C2CD2L: variants seen among roughly 807,000 people sequenced by gnomAD.
C2CD2L encodes C2CD2 like.
A neutral mutation model predicts 69.9 loss-of-function variants in C2CD2L; 24 were observed. The ratio of observed to expected loss-of-function variants is 0.34; its 90% CI spans 0.25 to 0.48. The LOEUF is 0.48. Among genes scored for constraint, C2CD2L ranks in the 20% least tolerant of loss-of-function variants. The pLI, the probability that C2CD2L is intolerant of heterozygous loss-of-function variation, is 0.99. For synonymous variants in C2CD2L, 367 were observed against 391.0 expected (o/e 0.94, Z 0.72); for missense variants, 811 against 941.5 (o/e 0.86, Z 1.81).
rs1946819378 is a variant in C2CD2L at position 119,113,960 on chromosome 11, G to A, written c.1595G>A (p.Ser532Asn). ...RVAKKTPTKR[S>N]TLIISGVSKV... is the part of the protein sequence containing the mutation. ...GCCAAGAAGACACCCACCAAGCGCA[G>A]CACTCTCATCATCTCTGGTGTTTCC... The change falls in exon 12 of 14, where the codon AGC (serine) becomes AAC (asparagine). Residue 532 changes from serine to asparagine, a missense_variant. Physicochemically the swap from Ser to Asn is conservative, Grantham distance 46. Coordinates refer to ENST00000648610, the MANE Select transcript of C2CD2L (RefSeq NM_001290474.2). 6.2e-7 allele frequency: 1 copy of A among 1,614,176 alleles called. No individual in the cohort carries two copies. The highest frequency in any genetic ancestry group is 8.5e-7 in the Non-Finnish European group (1 of 1,180,026).
chr11:119,110,150 G>C lies in C2CD2L; in HGVS notation c.401G>C (p.Arg134Thr). 6.2e-7 allele frequency: 1 copy of C among 1,614,058 alleles called. No individual in the cohort carries two copies. Among genetic ancestry groups the C allele is most frequent in the South Asian group, 1.1e-5 (1 of 91,068 alleles). Residue 134 changes from arginine to threonine, a missense_variant, in exon 2 of 14, where the codon AGA (arginine) becomes ACA (threonine). Arg to Thr is a moderately conservative substitution (Grantham distance 71). Coordinates refer to ENST00000648610, the MANE Select transcript of C2CD2L (RefSeq NM_001290474.2). This position sits in a 1 kb window ranked among gnomAD's most constrained non-coding sequence, Gnocchi z 5.7. Reference protein sequence around the residue: ...AFEEVPQLPPRASISHVTCVD... With the variant: ...AFEEVPQLPPTASISHVTCVD... ...GAGGAGGTGCCCCAACTCCCACCCAGAGCCAGCATCAGTCATGTGACCTGC... is the reference window on the plus strand; with the variant it reads ...GAGGAGGTGCCCCAACTCCCACCCACAGCCAGCATCAGTCATGTGACCTGC...
upstream of C2CD2L, among the ~76,000 whole-genome samples, chr11:119,105,402 G>C (rs1410061281): frequency 1.3e-5 from 2 of 152,228 alleles, no homozygotes; most frequent in Non-Finnish European, 2.9e-5. Flanking sequence ...ACTTTGGGAG[G>C]CCGAGGCGGG....
In C2CD2L at chr11:119,113,957, G is replaced by A. The variant is rs1317540127; in HGVS notation, c.1592G>A (p.Arg531His). The A allele has an allele frequency of 5.0e-6, 8 of 1,614,172 alleles. No homozygotes were observed. The highest frequency in any genetic ancestry group is 1.6e-4 in the Middle Eastern group (1 of 6,062). Residue 531 changes from arginine (R) to histidine (H), a missense_variant, in exon 12 of 14, where the codon CGC (arginine) becomes CAC (histidine). Arg to His is a conservative substitution (Grantham distance 29). Transcript: ENST00000648610. Reference protein sequence around the residue: ...GRVAKKTPTKRSTLIISGVSK... With the variant: ...GRVAKKTPTKHSTLIISGVSK... ...GTGGCCAAGAAGACACCCACCAAGCGCAGCACTCTCATCATCTCTGGTGTT... is the reference window on the plus strand; with the variant it reads ...GTGGCCAAGAAGACACCCACCAAGCACAGCACTCTCATCATCTCTGGTGTT...
rs931038991 is a variant in C2CD2L, at chr11:119,107,590, A to G, written c.-152A>G. ...CTCCTCTCCTCGCCCTGTGGCACCCACTAGTCCTGGGCACTCAGCCGCGGA... is the reference window on the plus strand; with the variant it reads ...CTCCTCTCCTCGCCCTGTGGCACCCGCTAGTCCTGGGCACTCAGCCGCGGA... On this transcript the variant is annotated 5_prime_UTR_variant, in exon 1 of 14. Coordinates refer to ENST00000648610, the MANE Select transcript of C2CD2L (RefSeq NM_001290474.2). The surrounding 1 kb of genome is among the most constrained non-coding windows in gnomAD (Gnocchi z 5.4). The G allele has an allele frequency of 1.6e-5, 7 of 443,028 alleles. No individual in the cohort carries two copies. The highest frequency in any genetic ancestry group is 4.5e-5 in the Admixed American group (1 of 22,148). 27.4% of individuals were successfully genotyped at this position (443,028 alleles called of 1,614,324 possible).
In C2CD2L at chr11:119,114,090, C is replaced by T. The variant is rs1377033068; in HGVS notation, c.1634C>T (p.Ala545Val). 6.2e-7 allele frequency: 1 copy of T among 1,614,144 alleles called. No individual in the cohort carries two copies. Among genetic ancestry groups the T allele is most frequent in the Admixed American group, 1.7e-5 (1 of 60,024 alleles). Reference sequence around the variant, plus strand: ...CGTCCCTCCTGCCAGGTGCCCATTGCTCAGGACGAGTTGGCGCTATCCCTG... The same window carrying T: ...CGTCCCTCCTGCCAGGTGCCCATTGTTCAGGACGAGTTGGCGCTATCCCTG... ...IISGVSKVPI[A>V]QDELALSLGY... is the part of the protein sequence containing the mutation. Residue 545 changes from alanine (A) to valine (V), a missense_variant, in exon 13 of 14, where the codon GCT becomes GTT. Ala to Val is a moderately conservative substitution (Grantham distance 64, BLOSUM62 0). Coordinates refer to ENST00000648610, the MANE Select transcript of C2CD2L (RefSeq NM_001290474.2). The surrounding 1 kb of genome is among the most constrained non-coding windows in gnomAD (Gnocchi z 5.1).
chr11:119,109,898 C>T lies in C2CD2L; in HGVS notation c.355-206C>T, dbSNP rs1946689860. ...TGAGGTGGACTACCTCCCCATTGCT[C>T]AGTGGCTCCTAGCAGCTACAGGCCC... On this transcript the variant is annotated intron_variant, in intron 1 of 13. Transcript: ENST00000648610. This position sits in a 1 kb window ranked among gnomAD's most constrained non-coding sequence, Gnocchi z 5.1. Among the ~76,000 whole-genome samples the T allele has an allele frequency of 6.6e-6, 1 of 151,994 alleles. No individual in the cohort carries two copies. Among genetic ancestry groups the T allele is most frequent in the South Asian group, 2.1e-4 (1 of 4,816 alleles).
In C2CD2L at chr11:119,114,822, C is replaced by T. The variant is rs1946843908; in HGVS notation, c.1909+457C>T. On this transcript the variant is annotated intron_variant, in intron 13 of 13. Coordinates refer to ENST00000648610, the MANE Select transcript of C2CD2L (RefSeq NM_001290474.2). This position sits in a 1 kb window ranked among gnomAD's most constrained non-coding sequence, Gnocchi z 5.1. ...GGGCGTAGTGGCACACACCTGTAATCTCAGCTACTCAGGGGGCTGAGGAGG... is the reference window on the plus strand; with the variant it reads ...GGGCGTAGTGGCACACACCTGTAATTTCAGCTACTCAGGGGGCTGAGGAGG... 5.1e-6 allele frequency: 1 copy of T among 195,138 alleles called. No individual in the cohort carries two copies. Among genetic ancestry groups the T allele is most frequent in the Admixed American group, 5.3e-5 (1 of 18,716 alleles). 12.1% of individuals were successfully genotyped at this position (195,138 alleles called of 1,614,324 possible).
chr11:119,112,614 G>A lies in C2CD2L; in HGVS notation c.1212+5G>A. ...GCAGCCACCATGGCAGTGGAGGTGA[G>A]AAGCTGACCCCTGGGGTAGGTGGGA... On this transcript the variant is annotated splice_donor_5th_base_variant and intron_variant, in intron 9 of 13. Transcript: ENST00000648610. 1 of 1,607,950 alleles carries A rather than the reference G, an allele frequency of 6.2e-7. No individual in the cohort carries two copies. The highest frequency in any genetic ancestry group is 8.5e-7 in the Non-Finnish European group (1 of 1,177,522).
Position 119,114,399 on chromosome 11 carries a change from T to G in C2CD2L, c.1909+34T>G. The G allele has an allele frequency of 1.9e-6, 3 of 1,604,448 alleles. No homozygotes were observed. The highest frequency in any genetic ancestry group is 2.6e-6 in the Non-Finnish European group (3 of 1,173,624). ...ACGTTGGCAGGGTGCCCCTCATCTCTTCTTTTATACACATATCATGACCTG... is the reference window on the plus strand; with the variant it reads ...ACGTTGGCAGGGTGCCCCTCATCTCGTCTTTTATACACATATCATGACCTG... On this transcript the variant is annotated intron_variant, in intron 13 of 13. Transcript: ENST00000648610. This position sits in a 1 kb window ranked among gnomAD's most constrained non-coding sequence, Gnocchi z 5.1.
intron 13 of C2CD2L, chr11:119,115,762 G>T: frequency 4.1e-6 from 2 of 489,930 alleles, no homozygotes; most frequent in East Asian, 3.1e-5. Context: ...TCTCTTTTGC[G>T]GGCAGAGTTA....
chr11:119,111,175 T>C lies in C2CD2L; in HGVS notation c.798+7T>C. On this transcript the variant is annotated splice_region_variant and intron_variant, in intron 5 of 13. Transcript: ENST00000648610. ...CTCTGCCCCAGGAGGCCTGGTGAGTTGGCACCCAAAGCAAAAGATTTGCAT... is the reference window on the plus strand; with the variant it reads ...CTCTGCCCCAGGAGGCCTGGTGAGTCGGCACCCAAAGCAAAAGATTTGCAT... 6.2e-7 allele frequency: 1 copy of C among 1,613,112 alleles called. No homozygotes were observed. Among genetic ancestry groups the C allele is most frequent in the Non-Finnish European group, 8.5e-7 (1 of 1,179,238 alleles).
chr11:119,113,640 G>A lies in C2CD2L; in HGVS notation c.1417G>A (p.Glu473Lys). ...DSPSRSPSKV[E>K]VTEKTTTVLS... The stretch of plus-strand genomic sequence containing the variant: ...CCCCTCCCGCTCCCCGTCCAAGGTG[G>A]AGGTGACCGAGAAGACGACAACTGT... Residue 473 changes from glutamate to lysine, a missense_variant, in exon 11 of 14, where the codon GAG becomes AAG. Glu to Lys is a moderately conservative substitution (Grantham distance 56). Transcript: ENST00000648610. 2 of 1,613,876 alleles carry A rather than the reference G, an allele frequency of 1.2e-6. No individual in the cohort carries two copies.
At position 119,113,696 on chromosome 11, in the gene C2CD2L, C is replaced by T. The variant is rs367945260; in HGVS notation, c.1473C>T (p.Thr491=). The T allele has an allele frequency of 2.0e-5, 32 of 1,613,928 alleles. No individual in the cohort carries two copies. Among genetic ancestry groups the T allele is most frequent in the Non-Finnish European group, 2.2e-5 (26 of 1,179,990 alleles). The change falls in exon 11 of 14, where the codon ACC becomes ACT. Residue 491 remains threonine (T), a synonymous_variant. Transcript: ENST00000648610. ...VLSESSGPSN[T]SHSSSRDSHL... ...GTGAGAGCAGTGGCCCCAGCAATACCTCCCATAGCAGCAGCCGTGAGTGGG... is the reference window on the plus strand; with the variant it reads ...GTGAGAGCAGTGGCCCCAGCAATACTTCCCATAGCAGCAGCCGTGAGTGGG...
In C2CD2L at chr11:119,116,591, C is replaced by G. The variant is rs542057084; in HGVS notation, c.*335C>G. 1.4e-5 allele frequency: 6 copies of G among 433,726 alleles called. No individual in the cohort carries two copies. In the East Asian group the frequency reaches 2.5e-4, roughly 18 times the overall value. 26.9% of individuals were successfully genotyped at this position (433,726 alleles called of 1,614,324 possible). A position where few individuals can be genotyped will look rare whatever the true frequency, so the allele number is the denominator to read the frequency against. On this transcript the variant is annotated 3_prime_UTR_variant, in exon 14 of 14. Coordinates refer to ENST00000648610, the MANE Select transcript of C2CD2L (RefSeq NM_001290474.2). ...AGGGTGCTCAGCTCTTCAGCTGACC[C>G]TTCTTCCCTTATTTATTCTCTTTTC...
In C2CD2L at chr11:119,114,548, A is replaced by G. The variant is rs1946837790; in HGVS notation, c.1909+183A>G. On this transcript the variant is annotated intron_variant, in intron 13 of 13. Coordinates refer to ENST00000648610, the MANE Select transcript of C2CD2L (RefSeq NM_001290474.2). This position sits in a 1 kb window ranked among gnomAD's most constrained non-coding sequence, Gnocchi z 5.1. ...CCTTGGTTCCTGGCCTAGATCTGAC[A>G]TGCTTGTGATAGGAAGGGATGCCAA... is the stretch of plus-strand genomic sequence containing the variant. 8.2e-6 allele frequency: 5 copies of G among 612,904 alleles called. No individual in the cohort carries two copies. The highest frequency in any genetic ancestry group is 1.4e-5 in the Non-Finnish European group (5 of 348,948). The allele number at this position is 612,904 out of a possible 1,614,324, so 38.0% of individuals were successfully genotyped here. A position where few individuals can be genotyped will look rare whatever the true frequency, so the allele number is the denominator to read the frequency against.
At position 119,110,377 on chromosome 11, in the gene C2CD2L, A is replaced by G. The variant is rs1946701575; in HGVS notation, c.450+178A>G. On this transcript the variant is annotated intron_variant, in intron 2 of 13. Transcript: ENST00000648610. The surrounding 1 kb of genome is among the most constrained non-coding windows in gnomAD (Gnocchi z 5.7). ...TGTGCAAAATGTTGGATGTGTGTTT[A>G]TATGCATTTTTCTGGGGAGAGGAGT... 6.6e-6 allele frequency among the ~76,000 whole-genome samples: 1 copy of G among 152,158 alleles called. No homozygotes were observed. The highest frequency in any genetic ancestry group is 6.5e-5 in the Admixed American group (1 of 15,282).
At chr11:119,108,251 G>C in intron 1 of C2CD2L, 156 bp downstream of exon 1, 1 of 543,864 alleles carries the variant, frequency 1.8e-6, no homozygotes, top group Non-Finnish European at 3.2e-6. Context: ...GTGCCGCTAA[G>C]GCTGGAGGTT....
chr11:119,110,650 C>T lies in C2CD2L; in HGVS notation c.540C>T (p.Tyr180=). The change falls in exon 3 of 14, where the codon TAC becomes TAT. Residue 180 remains tyrosine (Y), a synonymous_variant. Coordinates refer to ENST00000648610, the MANE Select transcript of C2CD2L (RefSeq NM_001290474.2). This position sits in a 1 kb window ranked among gnomAD's most constrained non-coding sequence, Gnocchi z 5.7. ...QSPAAVSMET[Y]HVTLTLPPTQ... is the part of the protein sequence containing the mutation. Reference sequence around the variant, plus strand: ...CCGCTGCCGTCTCCATGGAGACCTACCACGTCACTCTGACACTGCCACCAA... The same window carrying T: ...CCGCTGCCGTCTCCATGGAGACCTATCACGTCACTCTGACACTGCCACCAA... 6.2e-7 allele frequency: 1 copy of T among 1,613,732 alleles called. No individual in the cohort carries two copies. Among genetic ancestry groups the T allele is most frequent in the Non-Finnish European group, 8.5e-7 (1 of 1,180,000 alleles).
At position 119,112,887 on chromosome 11, in the gene C2CD2L, A is replaced by G; in HGVS notation, c.1387+13A>G. On this transcript the variant is annotated intron_variant, in intron 10 of 13. Transcript: ENST00000648610. ...GACGGCAAATTAGGTAAAGAGAAGG[A>G]GCCTGGGAGCCCAGCTCTAGCCAGG... is the stretch of plus-strand genomic sequence containing the variant. 6.2e-7 allele frequency: 1 copy of G among 1,612,098 alleles called. No homozygotes were observed. Among genetic ancestry groups the G allele is most frequent in the Non-Finnish European group, 8.5e-7 (1 of 1,178,900 alleles).
Sources: allele counts gnomAD v4.1 joint callset (sites outside exome capture counted in the v4.1 genomes callset), GRCh38; gene constraint gnomAD v4.1.1; non-coding constraint Gnocchi (gnomAD v3.1); transcripts MANE v1.5; gene names NCBI Gene and HGNC (gene_info 2026-07-23, HGNC 2026-07-21).